Variants in PCDH9 observed in about 807,000 individuals in gnomAD.
The protein encoded by PCDH9 is protocadherin 9.
A neutral mutation model predicts 70.6 loss-of-function variants in PCDH9; 24 were observed. That is an observed-to-expected ratio of 0.34 (90% CI 0.25 to 0.48). The LOEUF (loss-of-function observed/expected upper bound fraction) is 0.48, where lower values mean the gene tolerates loss of function less well. PCDH9 is among the 20% of genes least tolerant of loss of function. The pLI is 0.99. For synonymous variants in PCDH9, 562 were observed against 558.5 expected (o/e 1.01, Z -0.09); for missense variants, 1,281 against 1,503.6 (o/e 0.85, Z 2.45).
At chr13:67,047,778 A>G (rs911523620) in intron 2 of PCDH9, among the ~76,000 whole-genome samples, 1 of 152,202 alleles carries the variant, frequency 6.6e-6, no homozygotes, top group Non-Finnish European at 1.5e-5. Flanking sequence ...AACTCTCTTG[A>G]TTTTAAAAAT....
intron 2 of PCDH9, among the ~76,000 whole-genome samples, chr13:67,192,369 T>C (rs1045369344): frequency 3.3e-5 from 5 of 152,202 alleles, no homozygotes; most frequent in African/African-American, 9.6e-5. Flanking sequence ...GAGACACTTC[T>C]TCAAAGGTTT....
chr13:67,090,826 T>C (rs1246879560), intron 2 of PCDH9, among the ~76,000 whole-genome samples: 2 of 152,102 alleles, frequency 1.3e-5, no homozygotes, highest in Non-Finnish European at 2.9e-5. Context: ...AATATAGATA[T>C]AGATGCTATT....
At chr13:66,765,615 A>G (rs542283091) in intron 3 of PCDH9, among the ~76,000 whole-genome samples, 1 of 152,224 alleles carries the variant, frequency 6.6e-6, no homozygotes, top group East Asian at 1.9e-4. Context: ...AGTCTGGTTT[A>G]CAAAGTAATT....
chr13:66,496,340 T>C (rs959525750), intron 4 of PCDH9, among the ~76,000 whole-genome samples: 1 of 152,202 alleles, frequency 6.6e-6, no homozygotes, highest in African/African-American at 2.4e-5. Flanking sequence ...TTTTCATTTT[T>C]GATCCCCCCA....
chr13:66,540,581 T>C (rs1247302248), intron 4 of PCDH9, among the ~76,000 whole-genome samples: 3 of 152,220 alleles, frequency 2.0e-5, no homozygotes, highest in East Asian at 1.9e-4. Context: ...TGCACACTTA[T>C]GCTGACAGTT....
chr13:66,904,746 C>T (rs895703321), intron 2 of PCDH9, among the ~76,000 whole-genome samples: 2 of 151,678 alleles, frequency 1.3e-5, no homozygotes, highest in African/African-American at 2.4e-5. Flanking sequence ...ATATTGTGTT[C>T]ACTCTATTTT....
intron 4 of PCDH9, among the ~76,000 whole-genome samples, chr13:66,414,462 T>C (rs1322805302): frequency 1.3e-5 from 2 of 152,218 alleles, no homozygotes; most frequent in Non-Finnish European, 2.9e-5. Flanking sequence ...CTGCTCCCTT[T>C]CATTTTAGAA....
intron 4 of PCDH9, among the ~76,000 whole-genome samples, chr13:66,532,397 T>C (rs1960506590): frequency 6.6e-6 from 1 of 152,100 alleles, no homozygotes; most frequent in African/African-American, 2.4e-5. Flanking sequence ...TTGGAAAACA[T>C]TTATAAATAG....
At chr13:66,849,503 T>TAGAG (rs1348037438) in intron 3 of PCDH9, among the ~76,000 whole-genome samples, 62 of 92,724 alleles carry the variant, frequency 6.7e-4, no homozygotes, top group Non-Finnish European at 1.1e-3. Context: ...TATATATATA[T>TAGAG]ATATATATAT....
intron 3 of PCDH9, among the ~76,000 whole-genome samples, chr13:66,719,978 T>C (rs1476104793): frequency 6.6e-6 from 1 of 152,158 alleles, no homozygotes; most frequent in Non-Finnish European, 1.5e-5. Context: ...CTGTGGACTT[T>C]ATGCTATAAT....
intron 4 of PCDH9, among the ~76,000 whole-genome samples, chr13:66,581,081 T>C (rs542198290): frequency 2.0e-5 from 3 of 152,264 alleles, no homozygotes; most frequent in Non-Finnish European, 1.5e-5. Flanking sequence ...TTTTTGAAAA[T>C]GCTATGAGAG....
intron 4 of PCDH9, among the ~76,000 whole-genome samples, chr13:66,478,628 TG>T (rs1463274717): frequency 9.9e-5 from 15 of 152,200 alleles, no homozygotes; most frequent in African/African-American, 3.1e-4. Flanking sequence ...AAGATCAAAC[TG>T]GCCACAACTT....
chr13:66,324,108 CTA>C (rs1489687039), intron 4 of PCDH9, among the ~76,000 whole-genome samples: 1 of 151,952 alleles, frequency 6.6e-6, no homozygotes, highest in African/African-American at 2.4e-5. Context: ...TAAAGGAAGA[CTA>C]TTAGAGAGGA....
At chr13:66,838,986 G>A (rs2081070575) in intron 3 of PCDH9, among the ~76,000 whole-genome samples, 1 of 151,906 alleles carries the variant, frequency 6.6e-6, no homozygotes. Context: ...TATCCAATCT[G>A]TGCTTTTGTA....
chr13:66,786,984 CA>C (rs1309797170), intron 3 of PCDH9, among the ~76,000 whole-genome samples: 3 of 152,184 alleles, frequency 2.0e-5, no homozygotes, highest in African/African-American at 4.8e-5. Flanking sequence ...GACAGATTCA[CA>C]AAAACAAATC....
chr13:67,185,345 G>A (rs774094000), intron 2 of PCDH9, among the ~76,000 whole-genome samples: 19 of 152,162 alleles, frequency 1.2e-4, no homozygotes, highest in Non-Finnish European at 2.2e-4. Context: ...TCAAAATTAC[G>A]TTATTTTTCT....
intron 2 of PCDH9, among the ~76,000 whole-genome samples, chr13:66,994,538 G>T (rs537891525): frequency 6.6e-6 from 1 of 152,274 alleles, no homozygotes; most frequent in Non-Finnish European, 1.5e-5. Context: ...AGGAAATTAA[G>T]ATGTGATAAC....
chr13:66,793,467 C>T (rs1034285014), intron 3 of PCDH9, among the ~76,000 whole-genome samples: 3 of 151,920 alleles, frequency 2.0e-5, no homozygotes, highest in East Asian at 3.9e-4. Context: ...TCCTTAATAC[C>T]ATTATATTGG....
intron 3 of PCDH9, among the ~76,000 whole-genome samples, chr13:66,748,103 T>C (rs2079400609): frequency 1.3e-5 from 2 of 152,220 alleles, no homozygotes; most frequent in African/African-American, 2.4e-5. Flanking sequence ...GAATTGCTGA[T>C]ATATCTCGAA....
Sources: gnomAD v4.1 joint callset for allele counts (sites outside exome capture counted in the v4.1 genomes callset) on GRCh38, gnomAD v4.1.1 for gene constraint, MANE v1.5 for transcripts, NCBI Gene and HGNC (gene_info 2026-07-23, HGNC 2026-07-21) for gene names.